The following PPIP5K1 variants were observed in gnomAD, a reference collection of about 807,000 sequenced individuals.
The protein encoded by PPIP5K1 is inositol hexakisphosphate and diphosphoinositol-pentakisphosphate kinase 1.
A neutral mutation model predicts 27.7 loss-of-function variants in PPIP5K1; 6 were observed. The ratio of observed to expected loss-of-function variants is 0.22; its 90% CI spans 0.12 to 0.43. The LOEUF is 0.43. Among genes scored for constraint, PPIP5K1 ranks in the 20% least tolerant of loss-of-function variants. The probability of loss-of-function intolerance (pLI) is 1.00; values close to 1 mark genes in which losing one functional copy is unlikely to be tolerated. For missense variants in PPIP5K1, 394 were observed against 635.4 expected, an observed-to-expected ratio of 0.62 and a Z score of 4.08; for synonymous variants, 145 against 242.6, an observed-to-expected ratio of 0.60 and a Z score of 3.74.
rs1343594950 is a variant in PPIP5K1, at chr15:43,535,297, T to C, written c.3850A>G (p.Ile1284Val). Residue 1284 changes from isoleucine to valine, a missense_variant, in exon 32 of 32, where the codon ATA (isoleucine) becomes GTA (valine). By Grantham distance (29) the Ile-to-Val change is conservative. Coordinates refer to ENST00000420765, the MANE Select transcript of PPIP5K1 (RefSeq NM_001394395.1). ...TCAAAAAGCTCTTGCTCCCCTTCTA[T>C]GGAGAGCTCTTGTGCTCCACTCCCA... is the stretch of plus-strand genomic sequence containing the variant. Reference protein sequence around the residue: ...TPGSGAQELSIEGEQELFEPN... With the variant: ...TPGSGAQELSVEGEQELFEPN... 1.9e-6 allele frequency: 3 copies of C among 1,614,030 alleles called. No individual in the cohort carries two copies. The highest frequency in any genetic ancestry group is 1.3e-5 in the African/African-American group (1 of 74,908).
At chr15:43,549,038 AAAAAAAAAAAAAAAAAAAATAT>A (rs1477216459) in intron 30 of PPIP5K1, among the ~76,000 whole-genome samples, 22 of 84,004 alleles carry the variant, frequency 2.6e-4, no homozygotes, top group Non-Finnish European at 2.5e-4. Context: ...AAAAAAAAAA[AAAAAAAAAAAAAAAAAAAATAT>A]ATATATATAT....
rs1231383931 is a variant in PPIP5K1 at position 43,559,300 on chromosome 15, T to G, written c.3419-368A>C. Among the ~76,000 whole-genome samples the G allele has an allele frequency of 4.6e-5, 7 of 152,292 alleles. No homozygotes were observed. The South Asian group carries it at 1.5e-3, about 32-fold the overall frequency. ...AGGATCCAGAGGTAAGGGGTGAAACTGCAGATCTAACATGAGATAGGGAGG... is the reference window on the plus strand; with the variant it reads ...AGGATCCAGAGGTAAGGGGTGAAACGGCAGATCTAACATGAGATAGGGAGG... On this transcript the variant is annotated intron_variant, in intron 29 of 31. Transcript: ENST00000420765.
At chr15:43,553,707 C>T (rs1479138844) in intron 30 of PPIP5K1, among the ~76,000 whole-genome samples, 4 of 149,634 alleles carry the variant, frequency 2.7e-5, no homozygotes, top group South Asian at 2.1e-4. Context: ...TGCAGTGGCG[C>T]GATCTCGGCT....
intron 30 of PPIP5K1, among the ~76,000 whole-genome samples, chr15:43,540,755 G>A (rs2080571439): frequency 6.6e-6 from 1 of 150,962 alleles, no homozygotes; most frequent in Non-Finnish European, 1.5e-5. Context: ...AGCTATTTGG[G>A]AGGCTGAGGC....
chr15:43,557,352 C>G (rs1161250083), intron 30 of PPIP5K1, among the ~76,000 whole-genome samples: 1 of 152,132 alleles, frequency 6.6e-6, no homozygotes, highest in Admixed American at 6.5e-5. Flanking sequence ...GAGGCTGAGG[C>G]AGGGAGAACT....
intron 30 of PPIP5K1, among the ~76,000 whole-genome samples, chr15:43,552,470 C>T (rs545334827): frequency 6.8e-6 from 1 of 147,800 alleles, no homozygotes; most frequent in Non-Finnish European, 1.5e-5. Flanking sequence ...TTTTGGGAGA[C>T]CGAAGCCAGC....
intron 29 of PPIP5K1, among the ~76,000 whole-genome samples, chr15:43,559,733 TAAATATGTA>T (rs1248135201): frequency 1.3e-5 from 2 of 151,512 alleles, no homozygotes; most frequent in Non-Finnish European, 2.9e-5. Context: ...AGGATAAACA[TAAATATGTA>T]ACCCTAATAC....
At chr15:43,550,917 G>C (rs1031565367) in intron 30 of PPIP5K1, among the ~76,000 whole-genome samples, 2 of 152,100 alleles carry the variant, frequency 1.3e-5, no homozygotes, top group Admixed American at 1.3e-4. Context: ...CAGTTTTCTT[G>C]TATTGAATCA....
intron 30 of PPIP5K1, among the ~76,000 whole-genome samples, chr15:43,545,313 A>G (rs1484080846): frequency 6.6e-6 from 1 of 152,130 alleles, no homozygotes; most frequent in Non-Finnish European, 1.5e-5. Flanking sequence ...TAGTTTCACC[A>G]GACTTGCCAA....
chr15:43,552,449 T>C (rs930568947), intron 30 of PPIP5K1, among the ~76,000 whole-genome samples: 6 of 146,804 alleles, frequency 4.1e-5, no homozygotes, highest in Admixed American at 1.4e-4. Flanking sequence ...CTCATGCCTG[T>C]AATCCTAGCA....
chr15:43,540,686 G>A (rs1421632274), intron 30 of PPIP5K1, among the ~76,000 whole-genome samples: 1 of 149,144 alleles, frequency 6.7e-6, no homozygotes, highest in East Asian at 2.0e-4. Context: ...GACAGAGCAA[G>A]ACTCTGTCTC....
intron 31 of PPIP5K1, among the ~76,000 whole-genome samples, chr15:43,537,705 AAAGAGAG>A: frequency 7.4e-6 from 1 of 134,480 alleles, no homozygotes; most frequent in Non-Finnish European, 1.5e-5. Context: ...AAAAAAAAAA[AAAGAGAG>A]AGAGAGAGAG....
chr15:43,539,059 A>C (rs1169855051), intron 31 of PPIP5K1, among the ~76,000 whole-genome samples: 1 of 151,996 alleles, frequency 6.6e-6, no homozygotes, highest in Admixed American at 6.6e-5. Context: ...AAAAATACAA[A>C]ATTTAGCTGG....
chr15:43,540,144 T>C (rs1044623981), intron 30 of PPIP5K1, among the ~76,000 whole-genome samples: 9 of 152,034 alleles, frequency 5.9e-5, no homozygotes, highest in African/African-American at 2.2e-4. Flanking sequence ...CCCAGCTATT[T>C]GGAAGGCTGA....
Position 43,558,778 on chromosome 15 carries a change from A to T in PPIP5K1, c.3556+17T>A. Reference sequence around the variant, plus strand: ...ATGGGGGCAGAGAGAAGGGTAAAAAAATAAGAATATCCCTACCTGCAGATG... The same window carrying T: ...ATGGGGGCAGAGAGAAGGGTAAAAATATAAGAATATCCCTACCTGCAGATG... On this transcript the variant is annotated intron_variant, in intron 30 of 31. Transcript: ENST00000420765. The T allele has an allele frequency of 6.2e-7, 1 of 1,613,232 alleles. No individual in the cohort carries two copies. The highest frequency in any genetic ancestry group is 8.5e-7 in the Non-Finnish European group (1 of 1,179,988).
intron 31 of PPIP5K1, among the ~76,000 whole-genome samples, chr15:43,535,896 ATTCTATAGGT>A (rs1218598587): frequency 5.3e-5 from 8 of 152,232 alleles, no homozygotes; most frequent in Non-Finnish European, 7.3e-5. Context: ...AGAGATTCTA[ATTCTATAGGT>A]TTAGCGTAAA....
At chr15:43,542,647 AGTGTGTGTGTGTGTGTGTGT>A (rs56361192) in intron 30 of PPIP5K1, among the ~76,000 whole-genome samples, 11 of 121,286 alleles carry the variant, frequency 9.1e-5, no homozygotes, top group African/African-American at 2.6e-4. Flanking sequence ...ATATATATTC[AGTGTGTGTGTGTGTGTGTGT>A]GTGTGTGTGT....
rs530237853 is a variant in PPIP5K1 at position 43,545,539 on chromosome 15, A to G, written c.3557-5956T>C. Among the ~76,000 whole-genome samples, 5 of 147,588 alleles carry G rather than the reference A, an allele frequency of 3.4e-5. No homozygotes were observed. In the East Asian group the frequency reaches 1.0e-3, roughly 30 times the overall value. On this transcript the variant is annotated intron_variant, in intron 30 of 31. Coordinates refer to ENST00000420765, the MANE Select transcript of PPIP5K1 (RefSeq NM_001394395.1). ...TAGTAGTAGCTGATTGTGTAGTAGC[A>G]CAATCACAGCTCACTCCATCCTCGA...
At position 43,539,559 on chromosome 15, in the gene PPIP5K1, C is replaced by T. The variant is rs371469703; in HGVS notation, c.3581G>A (p.Ser1194Asn). ...AGAAAATGGGTTATCTGAGGCCTGG[C>T]TGCTGTGCATGGAATCAAAGAGGGC... is the stretch of plus-strand genomic sequence containing the variant. ...SAALFDSMHS[S>N]QASDNPFSPP... is the part of the protein sequence containing the mutation. The change falls in exon 31 of 32, where the codon AGC (serine) becomes AAC (asparagine). Residue 1194 changes from serine to asparagine, a missense_variant. This residue lies in a region of PPIP5K1 where 379 missense variants were observed against 423.9 expected (regional missense o/e 0.89). Transcript: ENST00000420765. 2 of 1,605,842 alleles carry T rather than the reference C, an allele frequency of 1.2e-6. No individual in the cohort carries two copies. The highest frequency in any genetic ancestry group is 1.7e-6 in the Non-Finnish European group (2 of 1,174,790).
Sources: gnomAD v4.1 joint callset for allele counts (sites outside exome capture counted in the v4.1 genomes callset) on GRCh38, gnomAD v4.1.1 for gene constraint, gnomAD v4.1.1 regional missense constraint, MANE v1.5 for transcripts, NCBI Gene and HGNC (gene_info 2026-07-23, HGNC 2026-07-21) for gene names.